ZNF324B: variants seen among roughly 807,000 people sequenced by gnomAD.
ZNF324B encodes zinc finger protein 324B.
A neutral mutation model predicts 10.6 loss-of-function variants in ZNF324B; 7 were observed. The observed-to-expected ratio is 0.66, with a 90% CI of 0.38 to 1.24. ZNF324B has a LOEUF of 1.24. ZNF324B is among the 50% of genes most tolerant of loss of function. The pLI is 0.02. For synonymous variants in ZNF324B, 316 were observed against 321.0 expected (o/e 0.98, Z 0.17); for missense variants, 640 against 764.7 (o/e 0.84, Z 1.92).
At chr19:58,452,913 A>C (rs2052874818) in intron 1 of ZNF324B, 1 of 152,174 alleles carries the variant, frequency 6.6e-6, no homozygotes, top group East Asian at 1.9e-4. Context: ...CCTGGCTCAC[A>C]CAGTGAAACC....
chr19:58,433,675 T>A, the ZNF324B span: 1 of 1,614,134 alleles, frequency 6.2e-7, no homozygotes, highest in Non-Finnish European at 8.5e-7. Context: ...ATGAACTTTC[T>A]GATGCTTAAT....
At chr19:58,432,331 A>G in the ZNF324B span, 3 of 517,788 alleles carry the variant, frequency 5.8e-6, no homozygotes, top group South Asian at 1.4e-5. Context: ...TAACATGGCA[A>G]ATACAAAGGT....
rs905730854 is a variant in ZNF324B at position 58,456,948 on chromosome 19, G to T, written c.*369G>T. The T allele has an allele frequency of 2.7e-5, 8 of 298,156 alleles. No homozygotes were observed. The Admixed American group carries it at 3.2e-4, about 12-fold the overall frequency. 18.5% of individuals were successfully genotyped at this position (298,156 alleles called of 1,614,324 possible). A position where few individuals can be genotyped will look rare whatever the true frequency, so the allele number is the denominator to read the frequency against. On this transcript the variant is annotated 3_prime_UTR_variant, in exon 4 of 4. Transcript: ENST00000336614. This position sits in a 1 kb window ranked among gnomAD's most constrained non-coding sequence, Gnocchi z 4.7. ...GCTGAGGTGAGGGGGATGCGGACATGGGGTAGGATGACCTAGAGAAACTTA... is the reference window on the plus strand; with the variant it reads ...GCTGAGGTGAGGGGGATGCGGACATTGGGTAGGATGACCTAGAGAAACTTA...
chr19:58,430,271 A>G, the ZNF324B span: 1 of 152,250 alleles, frequency 6.6e-6, no homozygotes, highest in Admixed American at 6.5e-5. Flanking sequence ...ATACACCCCC[A>G]GCTGACATCT....
chr19:58,454,913 C>T (rs114530228), intron 3 of ZNF324B: 22 of 606,898 alleles, frequency 3.6e-5, no homozygotes, highest in African/African-American at 1.1e-4. Context: ...GTGGGTGGCA[C>T]GCAGCAGCTG....
chr19:58,422,362 C>G, the ZNF324B span, among the ~76,000 whole-genome samples: 4 of 152,138 alleles, frequency 2.6e-5, no homozygotes, highest in African/African-American at 7.2e-5. Context: ...TGGAACAAGA[C>G]AAAGATGCCC....
the ZNF324B span, chr19:58,434,687 T>C: frequency 6.2e-7 from 1 of 1,614,166 alleles, no homozygotes; most frequent in Non-Finnish European, 8.5e-7. Flanking sequence ...CTCAGATGGT[T>C]GGGGAGAGTG....
chr19:58,456,095 T>C lies in ZNF324B; in HGVS notation c.1151T>C (p.Leu384Pro), dbSNP rs1254918616. The change falls in exon 4 of 4, where the codon CTG (leucine) becomes CCG (proline). Residue 384 changes from leucine (L) to proline (P), a missense_variant. By Grantham distance (98) the Leu-to-Pro change is moderately conservative (BLOSUM62 -3). Transcript: ENST00000336614. This position sits in a 1 kb window ranked among gnomAD's most constrained non-coding sequence, Gnocchi z 4.7. ...CGRRFCRNSH[L>P]IQHERTHTGE... ...CGCCGCTTCTGCCGCAACTCGCACC[T>C]GATCCAGCACGAGCGTACGCACACA... The C allele has an allele frequency of 6.2e-7, 1 of 1,612,852 alleles. No homozygotes were observed. Among genetic ancestry groups the C allele is most frequent in the African/African-American group, 1.3e-5 (1 of 75,050 alleles).
the ZNF324B span, chr19:58,442,382 G>C: frequency 6.6e-6 from 1 of 150,414 alleles, no homozygotes; most frequent in South Asian, 2.1e-4. Context: ...CACCTTGTTA[G>C]CCAGGATGGT....
the ZNF324B span, chr19:58,436,399 G>GCTCA: frequency 4.5e-5 from 7 of 154,532 alleles, no homozygotes; most frequent in African/African-American, 7.2e-5. Flanking sequence ...GGGCGTGGTG[G>GCTCA]CTCACGCCTG....
chr19:58,421,468 C>T, the ZNF324B span, among the ~76,000 whole-genome samples: 1 of 152,088 alleles, frequency 6.6e-6, no homozygotes, highest in South Asian at 2.1e-4. Flanking sequence ...GCAGTCTTGG[C>T]TCCCAGGTTC....
chr19:58,422,041 C>A, the ZNF324B span, among the ~76,000 whole-genome samples: 3 of 152,160 alleles, frequency 2.0e-5, no homozygotes, highest in Non-Finnish European at 4.4e-5. Context: ...CCTCAGCCCC[C>A]CAAGTAGCTG....
Position 58,456,238 on chromosome 19 carries a change from C to T in ZNF324B, c.1294C>T (p.Arg432Cys), listed in dbSNP as rs1181255051. Residue 432 changes from arginine (R) to cysteine (C), a missense_variant, in exon 4 of 4, where the codon CGC becomes TGC. Physicochemically the swap from Arg to Cys is radical, Grantham distance 180. Transcript: ENST00000336614. This position sits in a 1 kb window ranked among gnomAD's most constrained non-coding sequence, Gnocchi z 4.7. ...GCCCTTCGCCTGCGCCCAGTGCGGCCGCTCCTTTAGCCGCAGCTCCAACCT... is the reference window on the plus strand; with the variant it reads ...GCCCTTCGCCTGCGCCCAGTGCGGCTGCTCCTTTAGCCGCAGCTCCAACCT... ...EKPFACAQCG[R>C]SFSRSSNLTQ... is the part of the protein sequence containing the mutation. 9.3e-6 allele frequency: 15 copies of T among 1,612,926 alleles called. No individual in the cohort carries two copies. The highest frequency in any genetic ancestry group is 1.3e-5 in the Non-Finnish European group (15 of 1,179,854).
At chr19:58,425,130 C>T in the ZNF324B span, among the ~76,000 whole-genome samples, 12 of 152,144 alleles carry the variant, frequency 7.9e-5, no homozygotes, top group African/African-American at 2.9e-4. Context: ...GCGGTGCACA[C>T]CTGTAGTCCC....
At position 58,456,231 on chromosome 19, in the gene ZNF324B, G is replaced by A. The variant is rs2052919582; in HGVS notation, c.1287G>A (p.Gln429=). 1 of 1,613,058 alleles carries A rather than the reference G, an allele frequency of 6.2e-7. No homozygotes were observed. The highest frequency in any genetic ancestry group is 8.5e-7 in the Non-Finnish European group (1 of 1,179,846). Residue 429 remains glutamine, a synonymous_variant, in exon 4 of 4, where the codon CAG becomes CAA. Transcript: ENST00000336614. The surrounding 1 kb of genome is among the most constrained non-coding windows in gnomAD (Gnocchi z 4.7). ...HTGEKPFACA[Q]CGRSFSRSSN... ...GCGAGAAGCCCTTCGCCTGCGCCCA[G>A]TGCGGCCGCTCCTTTAGCCGCAGCT... is the stretch of plus-strand genomic sequence containing the variant.
At chr19:58,453,481 C>T (rs113216799) in intron 1 of ZNF324B, among the ~76,000 whole-genome samples, 6,542 of 152,142 alleles carry the variant, frequency 0.043, 430 homozygotes, top group African/African-American at 0.15. Flanking sequence ...TAGGGGTGGC[C>T]AGTGGGGAAG....
chr19:58,434,839 A>G, the ZNF324B span: 1 of 1,614,232 alleles, frequency 6.2e-7, no homozygotes, highest in Non-Finnish European at 8.5e-7. Flanking sequence ...ACAGCTGCCC[A>G]GGATGACCTT....
chr19:58,445,554 G>T, the ZNF324B span: 1 of 504,454 alleles, frequency 2.0e-6, no homozygotes, highest in Non-Finnish European at 4.0e-6. Context: ...GGTGGCTCAT[G>T]CCTGTAATCC....
chr19:58,420,639 G>A, the ZNF324B span, among the ~76,000 whole-genome samples: 1 of 151,886 alleles, frequency 6.6e-6, no homozygotes, highest in South Asian at 2.1e-4. Context: ...GGGCTCAAGT[G>A]ATCTTCCAGC....
Sources: allele counts gnomAD v4.1 joint callset (sites outside exome capture counted in the v4.1 genomes callset), GRCh38; gene constraint gnomAD v4.1.1; non-coding constraint Gnocchi (gnomAD v3.1); transcripts MANE v1.5; gene names NCBI Gene and HGNC (gene_info 2026-07-23, HGNC 2026-07-21).